Variants in WDPCP observed in about 807,000 individuals in gnomAD.
WDPCP encodes the protein WD repeat-containing and planar cell polarity effector protein fritz homolog.
A neutral mutation model predicts 93.1 loss-of-function variants in WDPCP; 71 were observed. That is an observed-to-expected ratio of 0.76 (90% CI 0.63 to 0.93). The LOEUF (loss-of-function observed/expected upper bound fraction) is 0.93, where lower values mean the gene tolerates loss of function less well. WDPCP is among the 40% of genes least tolerant of loss of function. WDPCP has a pLI of 0.00. For missense variants in WDPCP, 844 were observed against 887.4 expected (o/e 0.95, Z 0.62); for synonymous variants, 315 against 315.0 (o/e 1.00, Z 0.00).
intron 1 of WDPCP, among the ~76,000 whole-genome samples, chr2:63,540,247 C>T (rs570160542): frequency 6.6e-6 from 1 of 152,172 alleles, no homozygotes; most frequent in South Asian, 2.1e-4. Context: ...TGTTTTATTA[C>T]TAGGTTATTT....
At chr2:63,243,245 A>G (rs927575441) in intron 14 of WDPCP, among the ~76,000 whole-genome samples, 1 of 152,148 alleles carries the variant, frequency 6.6e-6, no homozygotes, top group Non-Finnish European at 1.5e-5. Flanking sequence ...TGTGATTGAT[A>G]GAGTGTCTCA....
chr2:63,819,244 G>C (rs1670983512), intron 1 of WDPCP, among the ~76,000 whole-genome samples: 1 of 152,142 alleles, frequency 6.6e-6, no homozygotes, highest in Non-Finnish European at 1.5e-5. Flanking sequence ...TTTATCAGGG[G>C]AACTAACAGG....
chr2:63,274,555 C>T (rs1359494907), intron 13 of WDPCP, among the ~76,000 whole-genome samples: 1 of 151,960 alleles, frequency 6.6e-6, no homozygotes, highest in African/African-American at 2.4e-5. Context: ...AAAATCTATA[C>T]ATTTCTAGCT....
intron 1 of WDPCP, among the ~76,000 whole-genome samples, chr2:63,579,763 A>G (rs1359481588): frequency 3.1e-5 from 2 of 64,090 alleles, no homozygotes; most frequent in Non-Finnish European, 5.2e-5. Context: ...GTAGGTAGAT[A>G]CACAGATAGA....
intron 12 of WDPCP, among the ~76,000 whole-genome samples, chr2:63,336,989 G>T (rs1688428639): frequency 1.3e-5 from 2 of 148,816 alleles, no homozygotes; most frequent in Non-Finnish European, 3.0e-5. Context: ...CGCCTCCCAG[G>T]TTCAAGTGAT....
rs1575746949 is a variant in WDPCP at position 63,684,336 on chromosome 2, T to G, written n.309-33498A>C. Reference sequence around the variant, plus strand: ...CAAGTTCATGAAACCTGGGAAGGTGTCGCTTGTCCTGGCTGGACACTACTC... The same window carrying G: ...CAAGTTCATGAAACCTGGGAAGGTGGCGCTTGTCCTGGCTGGACACTACTC... On this transcript the variant is annotated intron_variant and non_coding_transcript_variant, in intron 2 of 4. Transcript: ENST00000467687. 3 of 655,128 alleles carry G rather than the reference T, an allele frequency of 4.6e-6. No homozygotes were observed. The Admixed American group carries it at 6.0e-5, about 13-fold the overall frequency. The allele number at this position is 655,128 out of a possible 1,614,324, so 40.6% of individuals were successfully genotyped here. A position where few individuals can be genotyped will look rare whatever the true frequency, so the allele number is the denominator to read the frequency against.
chr2:63,181,686 C>T (rs759486391), intron 14 of WDPCP, among the ~76,000 whole-genome samples: 5 of 151,360 alleles, frequency 3.3e-5, no homozygotes, highest in Non-Finnish European at 5.9e-5. Flanking sequence ...GCTCTTTTTT[C>T]ATTCTATATG....
chr2:63,317,983 C>T (rs981448103), intron 12 of WDPCP, among the ~76,000 whole-genome samples: 2 of 152,066 alleles, frequency 1.3e-5, no homozygotes, highest in Admixed American at 6.6e-5. Context: ...AAACAGAGAA[C>T]CTACAGAATG....
At chr2:63,498,234 A>G (rs904321546) in intron 1 of WDPCP, among the ~76,000 whole-genome samples, 35 of 152,214 alleles carry the variant, frequency 2.3e-4, no homozygotes, top group Non-Finnish European at 1.5e-4. Flanking sequence ...CTTTAATTAC[A>G]TAAGGCATTG....
chr2:63,272,971 G>C (rs1341529721), intron 13 of WDPCP, among the ~76,000 whole-genome samples: 1 of 152,068 alleles, frequency 6.6e-6, no homozygotes, highest in Non-Finnish European at 1.5e-5. Flanking sequence ...AAGAGTCAAA[G>C]AAAGACAGAA....
chr2:63,634,251 G>A (rs1394318101), intron 3 of WDPCP, among the ~76,000 whole-genome samples: 2 of 152,108 alleles, frequency 1.3e-5, no homozygotes, highest in African/African-American at 4.8e-5. Flanking sequence ...AGAGAGCAGG[G>A]ATAGCTATAC....
chr2:63,487,485 A>C lies in WDPCP; in HGVS notation c.170T>G (p.Ile57Ser). Residue 57 changes from isoleucine to serine, a missense_variant, in exon 3 of 18, where the codon ATT becomes AGT. Physicochemically the swap from Ile to Ser is moderately radical, Grantham distance 142. Coordinates refer to ENST00000272321, the MANE Select transcript of WDPCP (RefSeq NM_015910.7). ...CTTGTCATAATACTGGTAGATCCCAATGTCTCTATCTATAGAAAGGAAGAA... is the reference window on the plus strand; with the variant it reads ...CTTGTCATAATACTGGTAGATCCCACTGTCTCTATCTATAGAAAGGAAGAA... ...KNTLHIADRD[I>S]GIYQYYDKKD... 1 of 1,594,396 alleles carries C rather than the reference A, an allele frequency of 6.3e-7. No individual in the cohort carries two copies. Among genetic ancestry groups the C allele is most frequent in the East Asian group, 2.2e-5 (1 of 44,650 alleles).
At chr2:63,198,070 T>C (rs916434540) in intron 14 of WDPCP, among the ~76,000 whole-genome samples, 8 of 152,198 alleles carry the variant, frequency 5.3e-5, no homozygotes, top group Non-Finnish European at 8.8e-5. Context: ...CTAGTACTTA[T>C]ATGGTTTCGT....
chr2:63,270,559 T>G (rs1350751756), intron 13 of WDPCP, among the ~76,000 whole-genome samples: 1 of 152,092 alleles, frequency 6.6e-6, no homozygotes, highest in Non-Finnish European at 1.5e-5. Flanking sequence ...GAATATCAAG[T>G]AGATAATCAC....
chr2:63,752,890 C>CA (rs1247903610), intron 2 of WDPCP, among the ~76,000 whole-genome samples: 1 of 152,030 alleles, frequency 6.6e-6, no homozygotes, highest in Non-Finnish European at 1.5e-5. Flanking sequence ...GATGGGGCTT[C>CA]ACCATGTTGG....
chr2:63,575,375 TACAGTATATACAC>T lies in WDPCP; in HGVS notation c.75+12809_75+12821del, dbSNP rs1179270265. 9.7e-5 allele frequency among the ~76,000 whole-genome samples: 13 copies of T among 133,820 alleles called. No homozygotes were observed. In the East Asian group the frequency reaches 9.7e-4, roughly 10 times the overall value. 87.8% of individuals were successfully genotyped at this position (133,820 alleles called of 152,430 possible). A position where few individuals can be genotyped will look rare whatever the true frequency, so the allele number is the denominator to read the frequency against. ...TGGTATATACAGTATATACAGTATATACAGTATATACACGGTATATACAGTATATATACAGTAT... is the reference window on the plus strand; with the variant it reads ...TGGTATATACAGTATATACAGTATATGGTATATACAGTATATATACAGTAT... On this transcript the variant is annotated intron_variant, in intron 1 of 17. Transcript: ENST00000272321.
At chr2:63,464,085 A>T (rs1699196543) in intron 6 of WDPCP, among the ~76,000 whole-genome samples, 1 of 152,208 alleles carries the variant, frequency 6.6e-6, no homozygotes. Flanking sequence ...AAGGTAACCT[A>T]CAGAATGGGA....
intron 1 of WDPCP, among the ~76,000 whole-genome samples, chr2:63,512,203 G>A (rs1213586735): frequency 3.3e-5 from 5 of 152,056 alleles, no homozygotes; most frequent in Admixed American, 2.6e-4. Context: ...ACTATCTTAC[G>A]CCAGTTAGGA....
chr2:63,167,462 A>G (rs1365152296), intron 15 of WDPCP, among the ~76,000 whole-genome samples: 1 of 151,894 alleles, frequency 6.6e-6, no homozygotes, highest in African/African-American at 2.4e-5. Flanking sequence ...ATATTCTGAT[A>G]TGTAGTGTTT....
Sources: allele counts gnomAD v4.1 joint callset (sites outside exome capture counted in the v4.1 genomes callset), GRCh38; gene constraint gnomAD v4.1.1; transcripts MANE v1.5; gene names NCBI Gene and HGNC (gene_info 2026-07-23, HGNC 2026-07-21).